Variants in OSBPL8 observed in about 807,000 individuals in gnomAD.
OSBPL8 encodes the protein oxysterol binding protein like 8.
Under a neutral mutation model 125.5 loss-of-function variants are expected in OSBPL8, and 59 were observed. The observed-to-expected ratio is 0.47, with a 90% confidence interval of 0.38 to 0.58. The LOEUF (loss-of-function observed/expected upper bound fraction) is 0.58. Ranked by LOEUF, OSBPL8 falls within the 20% of genes least tolerant of loss-of-function variation. OSBPL8 has a pLI of 0.00. For missense variants in OSBPL8, 758 were observed against 1,047.8 expected (o/e 0.72, Z 3.82); for synonymous variants, 330 against 338.9 (o/e 0.97, Z 0.29).
At chr12:76,494,504 T>C (rs548530336) in intron 1 of OSBPL8, among the ~76,000 whole-genome samples, 206 of 152,278 alleles carry the variant, frequency 1.4e-3, no homozygotes, top group African/African-American at 3.9e-3. Flanking sequence ...GAAGAGAGAA[T>C]ATGATACAAG....
chr12:76,519,576 C>G (rs972313734), intron 1 of OSBPL8, among the ~76,000 whole-genome samples: 1 of 152,092 alleles, frequency 6.6e-6, no homozygotes, highest in Non-Finnish European at 1.5e-5. Flanking sequence ...TTATACTGTT[C>G]TTGCAGTGCT....
chr12:76,522,897 G>C (rs571778566), intron 1 of OSBPL8, among the ~76,000 whole-genome samples: 9 of 152,250 alleles, frequency 5.9e-5, no homozygotes, highest in African/African-American at 1.9e-4. Flanking sequence ...ACCCAGATTG[G>C]AGTGCAATGG....
intron 4 of OSBPL8, among the ~76,000 whole-genome samples, chr12:76,435,581 A>AT: frequency 6.6e-6 from 1 of 152,306 alleles, no homozygotes; most frequent in African/African-American, 2.4e-5. Context: ...GAGGTGATAG[A>AT]AATGTTAAGT....
chr12:76,516,759 C>G (rs1881573474), intron 1 of OSBPL8, among the ~76,000 whole-genome samples: 1 of 151,626 alleles, frequency 6.6e-6, no homozygotes, highest in African/African-American at 2.4e-5. Context: ...CATAACAAAT[C>G]CTCTCAACAT....
At chr12:76,389,029 C>A (rs1953444343) in intron 12 of OSBPL8, among the ~76,000 whole-genome samples, 1 of 152,150 alleles carries the variant, frequency 6.6e-6, no homozygotes, top group African/African-American at 2.4e-5. Flanking sequence ...AGCATGGACA[C>A]AAAGTTGCTG....
At position 76,476,047 on chromosome 12, in the gene OSBPL8, G is replaced by C. The variant is rs548973055; in HGVS notation, c.42+11463C>G. ...AACTGAGGAGACAGTTTATGGATAAGAAGTGTGCTCAGAACAGAGATAAAG... is the reference window on the plus strand; with the variant it reads ...AACTGAGGAGACAGTTTATGGATAACAAGTGTGCTCAGAACAGAGATAAAG... On this transcript the variant is annotated intron_variant, in intron 2 of 23. Transcript: ENST00000261183. Among the ~76,000 whole-genome samples the C allele has an allele frequency of 9.2e-5, 14 of 152,274 alleles. No individual in the cohort carries two copies. The South Asian group carries it at 2.5e-3, about 27-fold the overall frequency.
At chr12:76,522,756 A>T (rs1254500997) in intron 1 of OSBPL8, among the ~76,000 whole-genome samples, 1 of 152,234 alleles carries the variant, frequency 6.6e-6, no homozygotes, top group East Asian at 1.9e-4. Flanking sequence ...AGCCTCAAGC[A>T]TTATTTTACA....
chr12:76,536,735 C>T (rs894127452), intron 1 of OSBPL8, among the ~76,000 whole-genome samples: 13 of 148,422 alleles, frequency 8.8e-5, no homozygotes, highest in South Asian at 8.5e-4. Context: ...TGCAGAAGAA[C>T]GGAGGCGGAA....
chr12:76,513,992 T>C (rs1259864526), intron 1 of OSBPL8, among the ~76,000 whole-genome samples: 1 of 152,104 alleles, frequency 6.6e-6, no homozygotes, highest in Non-Finnish European at 1.5e-5. Flanking sequence ...GGCTTGTTTG[T>C]GTGGTTGTCT....
At chr12:76,543,986 C>T (rs931454693) in intron 1 of OSBPL8, among the ~76,000 whole-genome samples, 6 of 152,156 alleles carry the variant, frequency 3.9e-5, no homozygotes, top group Admixed American at 3.9e-4. Context: ...CATTCGCCAA[C>T]ACTTTTCTCT....
At chr12:76,452,981 C>T (rs1873593490) in intron 3 of OSBPL8, among the ~76,000 whole-genome samples, 1 of 151,412 alleles carries the variant, frequency 6.6e-6, no homozygotes, top group Admixed American at 6.6e-5. Flanking sequence ...TTCTTAATTT[C>T]AACATGGCAC....
At chr12:76,465,533 C>G (rs1875309820) in intron 2 of OSBPL8, among the ~76,000 whole-genome samples, 2 of 151,690 alleles carry the variant, frequency 1.3e-5, no homozygotes, top group African/African-American at 4.8e-5. Flanking sequence ...GCACTCCAGC[C>G]TGGGCGACAG....
At chr12:76,437,198 T>C (rs1355635572) in intron 4 of OSBPL8, among the ~76,000 whole-genome samples, 1 of 152,224 alleles carries the variant, frequency 6.6e-6, no homozygotes, top group African/African-American at 2.4e-5. Flanking sequence ...TCTTTAACTT[T>C]GCTACATAAT....
intron 1 of OSBPL8, among the ~76,000 whole-genome samples, chr12:76,518,836 A>C (rs1881801662): frequency 6.6e-6 from 1 of 152,212 alleles, no homozygotes; most frequent in Non-Finnish European, 1.5e-5. Flanking sequence ...GATGCTAAGC[A>C]GGACAGTGGC....
At chr12:76,547,195 C>T (rs556642769) in intron 1 of OSBPL8, among the ~76,000 whole-genome samples, 6 of 152,110 alleles carry the variant, frequency 3.9e-5, no homozygotes, top group East Asian at 1.9e-4. Flanking sequence ...GAATTGAAAA[C>T]GATTAAACAA....
intron 3 of OSBPL8, among the ~76,000 whole-genome samples, chr12:76,458,808 A>G (rs1463593899): frequency 6.6e-6 from 1 of 152,206 alleles, no homozygotes; most frequent in African/African-American, 2.4e-5. Context: ...CTAGACTAAA[A>G]AAGTTTATAG....
chr12:76,477,738 T>C (rs1428411771), intron 2 of OSBPL8, among the ~76,000 whole-genome samples: 1 of 152,172 alleles, frequency 6.6e-6, no homozygotes, highest in Non-Finnish European at 1.5e-5. Context: ...TTATATCACA[T>C]GTACCACACT....
chr12:76,356,836 G>T, intron 22 of OSBPL8, 108 bp from the exon 23 acceptor site: 1 of 668,440 alleles, frequency 1.5e-6, no homozygotes, highest in Non-Finnish European at 2.5e-6. Context: ...TTGTAGCCTA[G>T]AGATTAGCAT....
chr12:76,440,510 C>G (rs1054307120), intron 4 of OSBPL8, among the ~76,000 whole-genome samples: 1 of 152,100 alleles, frequency 6.6e-6, no homozygotes, highest in East Asian at 1.9e-4. Flanking sequence ...CTTGTGTATA[C>G]TAATAACCCA....
Sources: allele counts gnomAD v4.1 joint callset (sites outside exome capture counted in the v4.1 genomes callset), GRCh38; gene constraint gnomAD v4.1.1; transcripts MANE v1.5; gene names NCBI Gene and HGNC (gene_info 2026-07-23, HGNC 2026-07-21).